HDAC4: variants seen among roughly 807,000 people sequenced by gnomAD.
HDAC4 encodes the protein histone deacetylase 4.
A neutral mutation model predicts 135.1 loss-of-function variants in HDAC4; 16 were observed. The observed-to-expected ratio is 0.12, with a 90% CI of 0.08 to 0.18. The LOEUF is 0.18. HDAC4 is among the 10% of genes least tolerant of loss of function. HDAC4 has a pLI of 1.00. For missense variants in HDAC4, 1,143 were observed against 1,511.8 expected (o/e 0.76, Z 4.05); for synonymous variants, 685 against 653.4 (o/e 1.05, Z -0.74).
Position 239,086,095 on chromosome 2 carries a change from T to C in HDAC4, c.2444+1464A>G, listed in dbSNP as rs56394702. Among the ~76,000 whole-genome samples the C allele has an allele frequency of 1.1e-4, 4 of 36,536 alleles. 1 individual carries two copies. Among genetic ancestry groups the C allele is most frequent in the African/African-American group, 4.5e-4 (3 of 6,642 alleles). The allele number at this position is 36,536 out of a possible 152,430, so 24.0% of individuals were successfully genotyped here. On this transcript the variant is annotated intron_variant, in intron 19 of 26. Transcript: ENST00000543185. Reference sequence around the variant, plus strand: ...ATCTGACTATCTCGCACGTAGTCTCTTCCCTGTACACGAAGGAGACTCTGC... The same window carrying C: ...ATCTGACTATCTCGCACGTAGTCTCCTCCCTGTACACGAAGGAGACTCTGC...
At chr2:239,216,499 C>T (rs746835530) in intron 3 of HDAC4, among the ~76,000 whole-genome samples, 20 of 152,220 alleles carry the variant, frequency 1.3e-4, no homozygotes, top group African/African-American at 2.2e-4. Flanking sequence ...ACACCTGCTG[C>T]GCTGCAGACC....
At chr2:239,351,496 G>A (rs1274537044) in intron 2 of HDAC4, among the ~76,000 whole-genome samples, 1 of 152,160 alleles carries the variant, frequency 6.6e-6, no homozygotes, top group Non-Finnish European at 1.5e-5. Flanking sequence ...GAGAGAGCCA[G>A]CTCCATTCAA....
intron 4 of HDAC4, among the ~76,000 whole-genome samples, chr2:239,182,223 A>G (rs2044196302): frequency 6.6e-6 from 1 of 151,290 alleles, no homozygotes; most frequent in South Asian, 2.1e-4. Context: ...CAGCTCAGAA[A>G]ACAAACACAG....
rs772328890 is a variant in HDAC4 at position 239,095,062 on chromosome 2, G to C, written c.2234-6C>G. ...GAACACGGAGGCGAGCGAGCCTGTG[G>C]GGGGGAGGGAGACGGTCAGAGAGGC... On this transcript the variant is annotated splice_region_variant and splice_polypyrimidine_tract_variant and intron_variant, in intron 16 of 26. Coordinates refer to ENST00000543185, the MANE Select transcript of HDAC4 (RefSeq NM_001378414.1). 3.7e-6 allele frequency: 6 copies of C among 1,613,706 alleles called. No homozygotes were observed. Among genetic ancestry groups the C allele is most frequent in the Non-Finnish European group, 5.1e-6 (6 of 1,179,962 alleles).
chr2:239,315,871 T>TA (rs527663637), intron 2 of HDAC4, among the ~76,000 whole-genome samples: 7 of 151,994 alleles, frequency 4.6e-5, no homozygotes, highest in East Asian at 1.9e-4. Context: ...AGATGCAATT[T>TA]AAAAAAAACA....
At chr2:239,255,857 C>T (rs1047377951) in intron 2 of HDAC4, among the ~76,000 whole-genome samples, 1 of 152,170 alleles carries the variant, frequency 6.6e-6, no homozygotes, top group Non-Finnish European at 1.5e-5. Context: ...ACGTGCATGT[C>T]GGAGAGCCCG....
intron 17 of HDAC4, among the ~76,000 whole-genome samples, chr2:239,092,614 G>A (rs1189185552): frequency 6.6e-6 from 1 of 152,152 alleles, no homozygotes. Context: ...CAGAGTGAAG[G>A]ACAAAGCCCC....
intron 2 of HDAC4, among the ~76,000 whole-genome samples, chr2:239,297,365 C>A (rs887468358): frequency 6.6e-6 from 1 of 152,236 alleles, no homozygotes. Flanking sequence ...ATCCGTGCCA[C>A]CAACCTGTGG....
chr2:239,374,386 C>CTGTTTT (rs1694847876), intron 1 of HDAC4, among the ~76,000 whole-genome samples: 1 of 56,664 alleles, frequency 1.8e-5, no homozygotes, highest in Non-Finnish European at 3.0e-5. Context: ...GAAAACAAGG[C>CTGTTTT]TTTTTTTTTT....
chr2:239,065,729 C>G (rs928911199), intron 24 of HDAC4, among the ~76,000 whole-genome samples: 2 of 152,194 alleles, frequency 1.3e-5, no homozygotes, highest in Non-Finnish European at 2.9e-5. Flanking sequence ...CTGCCCTCCG[C>G]TTCCTGTGGT....
intron 9 of HDAC4, among the ~76,000 whole-genome samples, chr2:239,137,931 A>G (rs181226395): frequency 9.0e-4 from 137 of 152,290 alleles, no homozygotes; most frequent in African/African-American, 3.2e-3. Flanking sequence ...ACGTATCGTG[A>G]TTTCTAAAAA....
At chr2:239,054,893 G>A (rs976112643) in intron 24 of HDAC4, 60 bp from the exon 25 acceptor site, 14 of 1,151,446 alleles carry the variant, frequency 1.2e-5, no homozygotes, top group African/African-American at 7.6e-5. Context: ...TGCGTTAGAC[G>A]GGTGTTCCGA....
chr2:239,084,099 C>T (rs925614048), intron 20 of HDAC4, 56 bp downstream of exon 20: 1 of 1,286,132 alleles, frequency 7.8e-7, no homozygotes, highest in African/African-American at 1.5e-5. Context: ...CTGCTGTCCG[C>T]TCGGGGACGG....
At chr2:239,361,191 G>A (rs779216843) in intron 1 of HDAC4, among the ~76,000 whole-genome samples, 2 of 152,108 alleles carry the variant, frequency 1.3e-5, no homozygotes, top group Non-Finnish European at 2.9e-5. Context: ...CTGCACCCCT[G>A]GCCCAAGGCA....
chr2:239,064,434 A>G (rs1424582284), intron 24 of HDAC4, among the ~76,000 whole-genome samples: 1 of 151,922 alleles, frequency 6.6e-6, no homozygotes, highest in Admixed American at 6.5e-5. Context: ...TGGAGGCGGG[A>G]CCTGCAGTCC....
chr2:239,084,539 T>C (rs910718089), intron 19 of HDAC4, among the ~76,000 whole-genome samples: 1 of 116,898 alleles, frequency 8.6e-6, no homozygotes, highest in Non-Finnish European at 1.9e-5. Context: ...TAGGGTCGGC[T>C]AACCGACACG....
intron 22 of HDAC4, among the ~76,000 whole-genome samples, chr2:239,076,188 T>G (rs1227936521): frequency 6.8e-6 from 1 of 147,882 alleles, no homozygotes; most frequent in African/African-American, 2.5e-5. Context: ...CAGAGCTGGG[T>G]TGGGTTGGAA....
intron 2 of HDAC4, among the ~76,000 whole-genome samples, chr2:239,274,741 G>A (rs1190260174): frequency 6.6e-6 from 1 of 152,150 alleles, no homozygotes; most frequent in Non-Finnish European, 1.5e-5. Context: ...CTCAACGGAG[G>A]GCAAGCCTCA....
intron 2 of HDAC4, among the ~76,000 whole-genome samples, chr2:239,314,794 C>T (rs778647073): frequency 2.0e-5 from 3 of 152,178 alleles, no homozygotes; most frequent in Non-Finnish European, 4.4e-5. Flanking sequence ...TGCTAACACA[C>T]ATCTGTAAAC....
Sources: allele counts gnomAD v4.1 joint callset (sites outside exome capture counted in the v4.1 genomes callset), GRCh38; gene constraint gnomAD v4.1.1; transcripts MANE v1.5; gene names NCBI Gene and HGNC (gene_info 2026-07-23, HGNC 2026-07-21).